The following MROH2A variants were observed in gnomAD, a reference collection of about 807,000 sequenced individuals.
The protein encoded by MROH2A is maestro heat-like repeat-containing protein family member 2A.
A neutral mutation model predicts 200.4 loss-of-function variants in MROH2A; 174 were observed. The observed-to-expected ratio is 0.87, with a 90% CI of 0.77 to 0.98. The LOEUF is 0.98. MROH2A is among the 50% of genes least tolerant of loss of function. MROH2A has a pLI of 0.00. For missense variants in MROH2A, 2,045 were observed against 2,139.6 expected (o/e 0.96, Z 0.87); for synonymous variants, 829 against 840.4 (o/e 0.99, Z 0.23).
rs1297802687 is a variant in MROH2A at position 233,793,722 on chromosome 2, G to A, written c.720G>A (p.Glu240=). ...TGCAGTTTTATCTGAAGCACCTGGA[G>A]GAGAGCGTGTACCCCGTGATGACTG... ...ETVQFYLKHL[E]ESVYPVMTEE... Residue 240 remains glutamate (E), a synonymous_variant, in exon 7 of 42, where the codon GAG becomes GAA. Coordinates refer to ENST00000389758, the MANE Select transcript of MROH2A (RefSeq NM_001394639.1). 6 of 1,486,238 alleles carry A rather than the reference G, an allele frequency of 4.0e-6. No homozygotes were observed. The highest frequency in any genetic ancestry group is 5.4e-6 in the Non-Finnish European group (6 of 1,115,384). 92.1% of individuals were successfully genotyped at this position (1,486,238 alleles called of 1,614,324 possible).
rs1704097040 is a variant in MROH2A at position 233,823,524 on chromosome 2, C to G, written c.4005-32C>G. On this transcript the variant is annotated intron_variant, in intron 34 of 41. Transcript: ENST00000389758. ...AAACGTCAGGCAGGGGTGGGGCCGC[C>G]TCCACGACCTGGCACTGTCTCTCCT... 3 of 1,538,928 alleles carry G rather than the reference C, an allele frequency of 1.9e-6. No individual in the cohort carries two copies. In the Admixed American group the frequency reaches 5.9e-5, roughly 30 times the overall value.
At chr2:233,792,356 A>G (rs1404740427) in intron 5 of MROH2A, among the ~76,000 whole-genome samples, 3 of 142,946 alleles carry the variant, frequency 2.1e-5, no homozygotes, top group East Asian at 2.1e-4. Flanking sequence ...TCTGTCGCCC[A>G]GGCTGGAGTG....
At position 233,803,462 on chromosome 2, in the gene MROH2A, C is replaced by T; in HGVS notation, c.1723C>T (p.Pro575Ser). The T allele has an allele frequency of 6.4e-7, 1 of 1,550,518 alleles. No individual in the cohort carries two copies. The highest frequency in any genetic ancestry group is 8.7e-7 in the Non-Finnish European group (1 of 1,146,964). The change falls in exon 16 of 42, where the codon CCT becomes TCT. Residue 575 changes from proline to serine, a missense_variant. Physicochemically the swap from Pro to Ser is moderately conservative, Grantham distance 74. Transcript: ENST00000389758. The part of the protein sequence containing the change: ...GKSRQVDLPA[P>S]QKLLARLLVL... ...CCTTCAATCAGTGGACCTGCCTGCA[C>T]CTCAGAAGCTGCTGGCCCGTCTCCT...
intron 19 of MROH2A, among the ~76,000 whole-genome samples, chr2:233,806,988 T>C (rs747066032): frequency 6.3e-4 from 96 of 152,230 alleles, no homozygotes; most frequent in Non-Finnish European, 8.5e-4. Flanking sequence ...GTATCATTCT[T>C]ATGCCTTAGC....
chr2:233,813,621 G>C, intron 24 of MROH2A, 49 bp from the exon 25 acceptor site: 2 of 1,205,786 alleles, frequency 1.7e-6, no homozygotes. Context: ...GGCAGCAGAA[G>C]CTCAACTCCC....
chr2:233,798,285 G>A (rs1383726080), intron 11 of MROH2A, among the ~76,000 whole-genome samples: 1 of 152,230 alleles, frequency 6.6e-6, no homozygotes, highest in African/African-American at 2.4e-5. Flanking sequence ...GAGAGGCACT[G>A]TCATTATCCA....
intron 3 of MROH2A, among the ~76,000 whole-genome samples, chr2:233,783,810 G>A (rs1701064965): frequency 6.6e-6 from 1 of 152,084 alleles, no homozygotes; most frequent in South Asian, 2.1e-4. Context: ...AAAGTGCTGG[G>A]GTTACAGACG....
rs1263468106 is a variant in MROH2A at position 233,787,972 on chromosome 2, C to A, written c.277-1525C>A. Reference sequence around the variant, plus strand: ...ATTATATATACATATATTATATATACATATATATTATATATACATATATTA... The same window carrying A: ...ATTATATATACATATATTATATATAAATATATATTATATATACATATATTA... On this transcript the variant is annotated intron_variant, in intron 3 of 41. Coordinates refer to ENST00000389758, the MANE Select transcript of MROH2A (RefSeq NM_001394639.1). Among the ~76,000 whole-genome samples the A allele has an allele frequency of 8.2e-4, 33 of 40,300 alleles. 2 individuals are homozygous for A. The highest frequency in any genetic ancestry group is 3.2e-3 in the African/African-American group (31 of 9,562). The allele number at this position is 40,300 out of a possible 152,430, so 26.4% of individuals were successfully genotyped here. A position where few individuals can be genotyped will look rare whatever the true frequency, so the allele number is the denominator to read the frequency against.
chr2:233,810,340 G>T (rs1703076563), intron 22 of MROH2A, among the ~76,000 whole-genome samples: 1 of 152,188 alleles, frequency 6.6e-6, no homozygotes, highest in Admixed American at 6.5e-5. Flanking sequence ...TTACATGGTG[G>T]CAGCAAGAGA....
chr2:233,811,930 C>G lies in MROH2A; in HGVS notation c.2622C>G (p.Ala874=). 6.5e-7 allele frequency: 1 copy of G among 1,550,300 alleles called. No individual in the cohort carries two copies. The highest frequency in any genetic ancestry group is 2.4e-5 in the East Asian group (1 of 40,908). ...PTDNLVSPVR[A]LAMEALSHLS... ...ACAACCTGGTTTCTCCAGTGCGAGC[C>G]TTGGCGATGGAGGCCCTCTCGCACC... Residue 874 remains alanine, a synonymous_variant, in exon 24 of 42, where the codon GCC becomes GCG. Coordinates refer to ENST00000389758, the MANE Select transcript of MROH2A (RefSeq NM_001394639.1).
intron 22 of MROH2A, among the ~76,000 whole-genome samples, chr2:233,809,689 AAC>A (rs1032112519): frequency 2.8e-4 from 42 of 152,310 alleles, no homozygotes; most frequent in African/African-American, 9.6e-4. Flanking sequence ...AGGAGGGGAA[AAC>A]ACAGAGAATA....
chr2:233,807,574 C>G lies in MROH2A; in HGVS notation c.2172+32C>G. ...GTGCCTGCAGCCTCCTCCTGTCCACCAGATGCCTCTGGACCCTCGGGGACA... is the reference window on the plus strand; with the variant it reads ...GTGCCTGCAGCCTCCTCCTGTCCACGAGATGCCTCTGGACCCTCGGGGACA... On this transcript the variant is annotated intron_variant, in intron 20 of 41. Transcript: ENST00000389758. The surrounding 1 kb of genome is among the most constrained non-coding windows in gnomAD (Gnocchi z 4.3). The G allele has an allele frequency of 6.5e-7, 1 of 1,549,354 alleles. No individual in the cohort carries two copies. Among genetic ancestry groups the G allele is most frequent in the South Asian group, 1.2e-5 (1 of 83,932 alleles).
intron 35 of MROH2A, among the ~76,000 whole-genome samples, chr2:233,825,043 C>T (rs1559482177): frequency 6.6e-6 from 1 of 152,156 alleles, no homozygotes; most frequent in Non-Finnish European, 1.5e-5. Context: ...CCCCTCACTT[C>T]CCTTGTTAAC....
At chr2:233,819,280 C>G (rs1703769305) in intron 29 of MROH2A, 37 bp from the exon 30 acceptor site, 1 of 1,533,458 alleles carries the variant, frequency 6.5e-7, no homozygotes. Flanking sequence ...CATGGAGTGG[C>G]AGGGGAGGGC....
intron 3 of MROH2A, among the ~76,000 whole-genome samples, chr2:233,783,119 A>C (rs1336330392): frequency 6.6e-6 from 1 of 152,092 alleles, no homozygotes; most frequent in Admixed American, 6.5e-5. Context: ...TCAGTTTGCT[A>C]ATATTTTGTT....
chr2:233,822,646 G>C, intron 33 of MROH2A, 90 bp downstream of exon 33: 1 of 1,351,504 alleles, frequency 7.4e-7, no homozygotes, highest in Non-Finnish European at 1.0e-6. Flanking sequence ...CTCCAGTGAG[G>C]GGCCCTCTGT....
chr2:233,809,322 TG>T, intron 22 of MROH2A, 44 bp downstream of exon 22: 1 of 1,537,200 alleles, frequency 6.5e-7, no homozygotes, highest in Middle Eastern at 1.7e-4. Flanking sequence ...TGGACCAGGC[TG>T]GTGGGTAGTA....
intron 31 of MROH2A, 70 bp from the exon 32 acceptor site, chr2:233,822,054 T>C (rs765482257): frequency 4.4e-5 from 65 of 1,485,250 alleles, no homozygotes; most frequent in Non-Finnish European, 5.6e-5. Flanking sequence ...GCCAAGGGTT[T>C]GAAAGGGATT....
chr2:233,782,451 T>C (rs2126081531), intron 3 of MROH2A, among the ~76,000 whole-genome samples: 2 of 152,380 alleles, frequency 1.3e-5, no homozygotes, highest in South Asian at 4.1e-4. Flanking sequence ...TTTATATTTT[T>C]GTGGCTATTG....
Sources: gnomAD v4.1 joint callset for allele counts (sites outside exome capture counted in the v4.1 genomes callset) on GRCh38, gnomAD v4.1.1 for gene constraint, Gnocchi (gnomAD v3.1) non-coding constraint, MANE v1.5 for transcripts, NCBI Gene and HGNC (gene_info 2026-07-23, HGNC 2026-07-21) for gene names.